The following GSE1 variants were observed in gnomAD, a reference collection of about 807,000 sequenced individuals.
GSE1 encodes the protein genetic suppressor element 1.
A neutral mutation model predicts 112.6 loss-of-function variants in GSE1; 32 were observed. The ratio of observed to expected loss-of-function variants is 0.28; its 90% CI spans 0.21 to 0.38. GSE1 has a LOEUF of 0.38. Among genes scored for constraint, GSE1 ranks in the 10% least tolerant of loss-of-function variants. GSE1 has a pLI of 1.00. For missense variants in GSE1, 2,348 were observed against 1,699.2 expected, an observed-to-expected ratio of 1.38 and a Z score of -6.71; for synonymous variants, 1,115 against 735.6, an observed-to-expected ratio of 1.52 and a Z score of -8.35.
At chr16:85,556,688 A>G (rs1450012079) in intron 1 of GSE1, among the ~76,000 whole-genome samples, 5 of 149,082 alleles carry the variant, frequency 3.4e-5, no homozygotes, top group Non-Finnish European at 7.4e-5. Context: ...AAACCTTCCA[A>G]GGTGAAGTAA....
In GSE1 at chr16:85,421,598, C is replaced by T. The variant is rs930581068; in HGVS notation, c.2464+63955C>T. Among the ~76,000 whole-genome samples the T allele has an allele frequency of 3.9e-5, 6 of 152,288 alleles. No individual in the cohort carries two copies. The East Asian group carries it at 9.7e-4, about 24-fold the overall frequency. ...AGGCGGGGAGGAGAAGGCAGGTTTT[C>T]GGGGCTGCTGGCAGCTGCTCATTTG... On this transcript the variant is annotated intron_variant, in intron 2 of 2. Transcript: ENST00000637419.
At chr16:85,363,001 A>G (rs2047115027) in intron 2 of GSE1, among the ~76,000 whole-genome samples, 1 of 151,884 alleles carries the variant, frequency 6.6e-6, no homozygotes. Context: ...ATGCCCAGCT[A>G]ATTTTTTTGT....
rs530821373 is a variant in GSE1 at position 85,244,019 on chromosome 16, A to T, written c.2283+72212A>T. ...CACATACCTGTAATCCCAGCTACTC[A>T]GGAGGCTGAGGTAGGAGAATTGCTT... On this transcript the variant is annotated intron_variant, in intron 1 of 2. Transcript: ENST00000637419. 1.3e-3 allele frequency among the ~76,000 whole-genome samples: 191 copies of T among 152,236 alleles called. 1 individual carries two copies. The highest frequency in any genetic ancestry group is 4.3e-3 in the African/African-American group (177 of 41,550).
intron 2 of GSE1, among the ~76,000 whole-genome samples, chr16:85,523,401 T>A (rs1371894571): frequency 2.0e-5 from 3 of 152,212 alleles, no homozygotes; most frequent in Non-Finnish European, 4.4e-5. Context: ...ATCTCCATCC[T>A]CCATGCTCAG....
At chr16:85,660,234 A>T (rs528978848) in intron 8 of GSE1, among the ~76,000 whole-genome samples, 2 of 152,318 alleles carry the variant, frequency 1.3e-5, no homozygotes, top group Middle Eastern at 3.4e-3. Flanking sequence ...CAGGTGGGAA[A>T]ATCGACCGAA....
intron 2 of GSE1, among the ~76,000 whole-genome samples, chr16:85,367,460 A>G (rs148906167): frequency 1.1e-3 from 170 of 152,346 alleles, no homozygotes; most frequent in African/African-American, 3.8e-3. Context: ...TTCAAGAGGA[A>G]GGCAGATAAC....
Position 85,600,201 on chromosome 16 carries a change from A to C in GSE1, c.37+43838A>C, listed in dbSNP as rs545552874. Reference sequence around the variant, plus strand: ...GCCACCTTGGGTTATTCACGGGAACACTCACAGGTGGGGTCTGAGCGGTGT... The same window carrying C: ...GCCACCTTGGGTTATTCACGGGAACCCTCACAGGTGGGGTCTGAGCGGTGT... On this transcript the variant is annotated intron_variant, in intron 1 of 2. Coordinates refer to the GSE1 transcript ENST00000635906. Among the ~76,000 whole-genome samples the C allele has an allele frequency of 3.7e-4, 57 of 152,258 alleles. 1 individual carries two copies. In the South Asian group the frequency reaches 0.012, roughly 32 times the overall value.
intron 2 of GSE1, among the ~76,000 whole-genome samples, chr16:85,378,773 C>T (rs74034711): frequency 1.5e-4 from 23 of 152,250 alleles, no homozygotes; most frequent in African/African-American, 5.3e-4. Context: ...AAAGCACCTG[C>T]CAGTCCCCTC....
intron 1 of GSE1, among the ~76,000 whole-genome samples, chr16:85,213,216 C>T (rs185906262): frequency 6.9e-4 from 105 of 151,330 alleles, no homozygotes; most frequent in African/African-American, 2.3e-3. Context: ...TTGCAGTGAG[C>T]CGAGATCACA....
intron 1 of GSE1, among the ~76,000 whole-genome samples, chr16:85,247,432 G>A (rs1905979810): frequency 6.6e-6 from 1 of 152,220 alleles, no homozygotes; most frequent in African/African-American, 2.4e-5. Context: ...GACTGTACAG[G>A]CTCCAGAAGG....
chr16:85,450,426 GT>G (rs1437929503), intron 2 of GSE1, among the ~76,000 whole-genome samples: 2 of 150,296 alleles, frequency 1.3e-5, no homozygotes, highest in South Asian at 4.2e-4. Context: ...CCACCTTACT[GT>G]TTTTTTATTT....
intron 1 of GSE1, among the ~76,000 whole-genome samples, chr16:85,284,472 C>G (rs774362430): frequency 2.0e-5 from 3 of 152,204 alleles, no homozygotes; most frequent in African/African-American, 7.2e-5. Flanking sequence ...ACCTGAGCTC[C>G]AAGCGGCACA....
chr16:85,588,656 A>T (rs1270042682), intron 1 of GSE1, among the ~76,000 whole-genome samples: 1 of 152,158 alleles, frequency 6.6e-6, no homozygotes, highest in African/African-American at 2.4e-5. Context: ...TATCAGGAAT[A>T]TTTCTGTATT....
Position 85,663,461 on chromosome 16 carries a change from A to C in GSE1, c.2491A>C (p.Thr831Pro). 1 of 1,613,952 alleles carries C rather than the reference A, an allele frequency of 6.2e-7. No homozygotes were observed. Among genetic ancestry groups the C allele is most frequent in the Non-Finnish European group, 8.5e-7 (1 of 1,180,016 alleles). The part of the protein sequence containing the change: ...MLRERSPSPP[T>P]IQSKRQTPSP... ...GCGAGAGAGAAGCCCGTCGCCCCCA[A>C]CAATTCAGAGCAAGCGGCAGACGCC... The change falls in exon 11 of 16, where the codon ACA (threonine) becomes CCA (proline). Residue 831 changes from threonine to proline, a missense_variant. Physicochemically the swap from Thr to Pro is conservative, Grantham distance 38. Transcript: ENST00000253458.
upstream of GSE1, among the ~76,000 whole-genome samples, chr16:85,553,257 AG>A (rs572185709): frequency 6.7e-6 from 1 of 149,596 alleles, no homozygotes; most frequent in Admixed American, 6.6e-5. Flanking sequence ...CAGGGAGGGC[AG>A]GTGCCGGACC....
At chr16:85,382,967 A>C (rs536646397) in intron 2 of GSE1, among the ~76,000 whole-genome samples, 7 of 148,074 alleles carry the variant, frequency 4.7e-5, no homozygotes, top group African/African-American at 1.8e-4. Context: ...GTGCACACAC[A>C]TGCACGCTCA....
At chr16:85,497,556 T>A (rs1055195114) in intron 2 of GSE1, among the ~76,000 whole-genome samples, 1 of 152,204 alleles carries the variant, frequency 6.6e-6, no homozygotes, top group Non-Finnish European at 1.5e-5. Context: ...AATGGGAACC[T>A]ATTTTTCTCC....
chr16:85,652,040 C>G (rs1000971556), intron 3 of GSE1, among the ~76,000 whole-genome samples: 2 of 152,214 alleles, frequency 1.3e-5, no homozygotes, highest in Non-Finnish European at 2.9e-5. Context: ...TGGAAATAGC[C>G]TCACGGGGCT....
intron 1 of GSE1, among the ~76,000 whole-genome samples, chr16:85,193,190 C>T (rs1272108595): frequency 6.6e-6 from 1 of 152,162 alleles, no homozygotes; most frequent in African/African-American, 2.4e-5. Flanking sequence ...AGTCCACATT[C>T]CCTCTATTTC....
Sources: gnomAD v4.1 joint callset for allele counts (sites outside exome capture counted in the v4.1 genomes callset) on GRCh38, gnomAD v4.1.1 for gene constraint, MANE v1.5 for transcripts, NCBI Gene and HGNC (gene_info 2026-07-23, HGNC 2026-07-21) for gene names.